KIRREL1: variants seen among roughly 807,000 people sequenced by gnomAD.
KIRREL1 encodes kirre like nephrin family adhesion molecule 1.
In KIRREL1, 25 loss-of-function variants were observed where a neutral mutation model predicts 83.3. The ratio of observed to expected loss-of-function variants is 0.30; its 90% CI spans 0.22 to 0.42. The LOEUF is 0.42. Among genes scored for constraint, KIRREL1 ranks in the 10% least tolerant of loss-of-function variants. KIRREL1 has a pLI of 1.00. For synonymous variants in KIRREL1, 388 were observed against 410.4 expected, an observed-to-expected ratio of 0.95 and a Z score of 0.66; for missense variants, 812 against 1,032.3, an observed-to-expected ratio of 0.79 and a Z score of 2.92.
chr1:158,085,410 C>T lies in KIRREL1; in HGVS notation c.510+831C>T, dbSNP rs193254452. Among the ~76,000 whole-genome samples the T allele has an allele frequency of 5.8e-4, 88 of 152,322 alleles. 1 individual carries two copies. The highest frequency in any genetic ancestry group is 8.5e-4 in the Admixed American group (13 of 15,308). Reference sequence around the variant, plus strand: ...ACACACTGTGTGACCTTGGATAATTCGCTTCACTTTTTTCTGGCCTTAGTT... The same window carrying T: ...ACACACTGTGTGACCTTGGATAATTTGCTTCACTTTTTTCTGGCCTTAGTT... On this transcript the variant is annotated intron_variant, in intron 4 of 14. Coordinates refer to ENST00000359209, the MANE Select transcript of KIRREL1 (RefSeq NM_018240.7).
At chr1:158,072,189 G>T (rs1390999137) in intron 1 of KIRREL1, among the ~76,000 whole-genome samples, 2 of 151,986 alleles carry the variant, frequency 1.3e-5, no homozygotes, top group East Asian at 3.9e-4. Flanking sequence ...CTGAGAGGAG[G>T]GTGCTGTCCT....
rs75098733 is a variant in KIRREL1, at chr1:158,001,696, C to T, written c.52+7968C>T. Among the ~76,000 whole-genome samples, 505 of 152,236 alleles carry T rather than the reference C, an allele frequency of 3.3e-3. 4 individuals are homozygous for T. Among genetic ancestry groups the T allele is most frequent in the African/African-American group, 0.011 (467 of 41,548 alleles). ...AGCCTTACCAGATGGGCCAGACTTC[C>T]GGAACCAAGATGTTGCTGGTGGGAT... On this transcript the variant is annotated intron_variant, in intron 1 of 14. Coordinates refer to ENST00000359209, the MANE Select transcript of KIRREL1 (RefSeq NM_018240.7).
At chr1:158,062,699 G>A (rs1661246788) in intron 1 of KIRREL1, among the ~76,000 whole-genome samples, 1 of 152,350 alleles carries the variant, frequency 6.6e-6, no homozygotes, top group African/African-American at 2.4e-5. Flanking sequence ...GGACACATGT[G>A]TCCCCCCTTG....
chr1:158,000,063 T>G (rs367971100), intron 1 of KIRREL1, among the ~76,000 whole-genome samples: 3 of 147,676 alleles, frequency 2.0e-5, no homozygotes, highest in Non-Finnish European at 4.5e-5. Flanking sequence ...GCAGGAAAGA[T>G]GGGGTGGGGG....
chr1:158,019,060 A>G (rs1369373394), intron 1 of KIRREL1, among the ~76,000 whole-genome samples: 1 of 152,056 alleles, frequency 6.6e-6, no homozygotes, highest in Non-Finnish European at 1.5e-5. Context: ...CAGAGCCTCC[A>G]CTCTGCCCTC....
At chr1:158,039,288 T>G (rs1371096440) in intron 1 of KIRREL1, among the ~76,000 whole-genome samples, 1 of 152,232 alleles carries the variant, frequency 6.6e-6, no homozygotes, top group Non-Finnish European at 1.5e-5. Context: ...GAAAATCACT[T>G]GGAAATGTAC....
At chr1:158,060,150 G>T (rs1661174114) in intron 1 of KIRREL1, among the ~76,000 whole-genome samples, 1 of 152,134 alleles carries the variant, frequency 6.6e-6, no homozygotes, top group Admixed American at 6.5e-5. Context: ...ACCCCTGCTG[G>T]TGATCAGCCC....
intron 1 of KIRREL1, among the ~76,000 whole-genome samples, chr1:158,019,734 G>C (rs1212349224): frequency 6.6e-6 from 1 of 152,108 alleles, no homozygotes; most frequent in South Asian, 2.1e-4. Context: ...CTTAACCGCA[G>C]AGCAAGAGAA....
intron 1 of KIRREL1, among the ~76,000 whole-genome samples, chr1:158,053,833 A>G (rs548587600): frequency 2.6e-5 from 4 of 152,300 alleles, no homozygotes; most frequent in Admixed American, 2.6e-4. Context: ...TAGTTAGAAT[A>G]GAATGGAATT....
intron 1 of KIRREL1, among the ~76,000 whole-genome samples, chr1:158,046,559 G>A (rs999052385): frequency 7.2e-5 from 11 of 152,042 alleles, no homozygotes; most frequent in Admixed American, 2.0e-4. Flanking sequence ...ACAAGGGAGC[G>A]AACCAAGAGG....
intron 1 of KIRREL1, among the ~76,000 whole-genome samples, chr1:158,014,687 G>A (rs866135766): frequency 2.7e-5 from 4 of 150,332 alleles, no homozygotes; most frequent in East Asian, 3.9e-4. Flanking sequence ...TTATGGGGGG[G>A]GGGGGGCGGG....
intron 1 of KIRREL1, among the ~76,000 whole-genome samples, chr1:158,003,398 C>T (rs1455018992): frequency 6.6e-6 from 1 of 152,146 alleles, no homozygotes; most frequent in Admixed American, 6.5e-5. Context: ...GACATTTCAT[C>T]GAGACAGTGG....
chr1:158,082,872 G>A (rs1661904978), intron 3 of KIRREL1, among the ~76,000 whole-genome samples: 1 of 151,926 alleles, frequency 6.6e-6, no homozygotes, highest in Non-Finnish European at 1.5e-5. Flanking sequence ...AAGCCGAGGT[G>A]GGAGGATTGC....
chr1:158,038,485 C>CTTTTTTTTTTTTTTTTTTTTTTTTTTTT (rs11340189), intron 1 of KIRREL1, among the ~76,000 whole-genome samples: 1 of 68,082 alleles, frequency 1.5e-5, no homozygotes, highest in African/African-American at 4.6e-5. Context: ...GGCTCTTCCT[C>CTTTTTTTTTTTTTTTTTTTTTTTTTTTT]TTTTTTTTTT....
Position 158,094,181 on chromosome 1 carries a change from C to T in KIRREL1, c.1720-132C>T. On this transcript the variant is annotated intron_variant, in intron 13 of 14. Transcript: ENST00000359209. The surrounding 1 kb of genome is among the most constrained non-coding windows in gnomAD (Gnocchi z 4.6). ...ATCCCAGAGCCTCTGCTGAGAGGACCAGAACTCAAGTCTGCCCTTGACCTC... is the reference window on the plus strand; with the variant it reads ...ATCCCAGAGCCTCTGCTGAGAGGACTAGAACTCAAGTCTGCCCTTGACCTC... 3 of 758,006 alleles carry T rather than the reference C, an allele frequency of 4.0e-6. No individual in the cohort carries two copies. The highest frequency in any genetic ancestry group is 4.1e-5 in the Admixed American group (2 of 48,884). The allele number at this position is 758,006 out of a possible 1,614,324, so 47.0% of individuals were successfully genotyped here.
At chr1:158,071,522 C>G (rs370740774) in intron 1 of KIRREL1, among the ~76,000 whole-genome samples, 21 of 152,208 alleles carry the variant, frequency 1.4e-4, no homozygotes, top group African/African-American at 5.1e-4. Flanking sequence ...AAAACATACG[C>G]GCAGAATCTC....
Position 158,097,929 on chromosome 1 carries a change from G to A in KIRREL1, c.*2809G>A, listed in dbSNP as rs974936319. 6.6e-6 allele frequency: 1 copy of A among 152,126 alleles called. No homozygotes were observed. The highest frequency in any genetic ancestry group is 1.5e-5 in the Non-Finnish European group (1 of 68,036). The allele number at this position is 152,126 out of a possible 1,614,324, so 9.4% of individuals were successfully genotyped here. A position where few individuals can be genotyped will look rare whatever the true frequency, so the allele number is the denominator to read the frequency against. ...AATTTGTCTGGCCTGTAAAATGAAG[G>A]GGGAGGGTTGCATAAACCTAAAACT... On this transcript the variant is annotated 3_prime_UTR_variant, in exon 15 of 15. Transcript: ENST00000359209.
chr1:158,014,122 T>TA (rs1384132657), intron 1 of KIRREL1, among the ~76,000 whole-genome samples: 5 of 146,966 alleles, frequency 3.4e-5, no homozygotes, highest in East Asian at 2.0e-4. Context: ...GAGGTGATGA[T>TA]AAAAAAACAG....
intron 1 of KIRREL1, among the ~76,000 whole-genome samples, chr1:158,071,096 G>C (rs542968005): frequency 6.6e-6 from 1 of 152,118 alleles, no homozygotes; most frequent in African/African-American, 2.4e-5. Flanking sequence ...CTTCCCCCCT[G>C]CTTTGCCTCG....
Sources: allele counts gnomAD v4.1 joint callset (sites outside exome capture counted in the v4.1 genomes callset), GRCh38; gene constraint gnomAD v4.1.1; non-coding constraint Gnocchi (gnomAD v3.1); transcripts MANE v1.5; gene names NCBI Gene and HGNC (gene_info 2026-07-23, HGNC 2026-07-21).